SPATA33: variants seen among roughly 807,000 people sequenced by gnomAD.
SPATA33 encodes spermatogenesis associated 33, also known as spermatogenesis-associated protein 33.
SPATA33 carries 10 observed loss-of-function variants against 8.9 expected under a neutral mutation model. The observed-to-expected ratio is 1.12, with a 90% CI of 0.69 to 1.90. The LOEUF is 1.90. Ranked by LOEUF, SPATA33 falls within the 40% of genes most tolerant of loss-of-function variation. The pLI is 0.00. For synonymous variants in SPATA33, 96 were observed against 72.8 expected, an observed-to-expected ratio of 1.32 and a Z score of -1.63; for missense variants, 241 against 178.3, an observed-to-expected ratio of 1.35 and a Z score of -2.00.
At chr16:89,664,867 ACCTGCAC>A (rs1271398012) in intron 2 of SPATA33, among the ~76,000 whole-genome samples, 1 of 152,220 alleles carries the variant, frequency 6.6e-6, no homozygotes, top group African/African-American at 2.4e-5. Flanking sequence ...GCCACGCTGC[ACCTGCAC>A]CCCTGACGAC....
In SPATA33 at chr16:89,658,348, G is replaced by T. The variant is rs1328258401; in HGVS notation, c.138G>T (p.Ser46=). 6.2e-7 allele frequency: 1 copy of T among 1,613,812 alleles called. No homozygotes were observed. The highest frequency in any genetic ancestry group is 1.7e-5 in the Admixed American group (1 of 60,016). The change falls in exon 2 of 3, where the codon TCG becomes TCT. Residue 46 remains serine, a synonymous_variant. Coordinates refer to ENST00000579310, the MANE Select transcript of SPATA33 (RefSeq NM_001271907.2). ...AAGCCAGGCAGGCAGACAGGGAGTC[G>T]GAGAAGCCTGTGGACAGCCTCCACC... ...SQEARQADRE[S]EKPVDSLHPG... is the part of the protein sequence containing the mutation.
chr16:89,666,062 CAA>C (rs1411996862), intron 2 of SPATA33, among the ~76,000 whole-genome samples: 4 of 151,928 alleles, frequency 2.6e-5, no homozygotes, highest in Non-Finnish European at 2.9e-5. Flanking sequence ...GCCTGGGCGA[CAA>C]GAGTGAGAAT....
chr16:89,669,554 C>A lies in SPATA33; in HGVS notation c.*57C>A. 1 of 1,561,290 alleles carries A rather than the reference C, an allele frequency of 6.4e-7. No individual in the cohort carries two copies. The highest frequency in any genetic ancestry group is 8.8e-7 in the Non-Finnish European group (1 of 1,142,540). On this transcript the variant is annotated 3_prime_UTR_variant, in exon 3 of 3. Coordinates refer to ENST00000579310, the MANE Select transcript of SPATA33 (RefSeq NM_001271907.2). ...CTGCGATAGGCGTCTCGGGAACAGCCGCCTCACCCTGTGAGAAGCCGAGGC... is the reference window on the plus strand; with the variant it reads ...CTGCGATAGGCGTCTCGGGAACAGCAGCCTCACCCTGTGAGAAGCCGAGGC...
intron 2 of SPATA33, among the ~76,000 whole-genome samples, chr16:89,664,289 G>A (rs543727432): frequency 6.6e-6 from 1 of 152,244 alleles, no homozygotes; most frequent in South Asian, 2.1e-4. Context: ...TCAGGGGCTC[G>A]GACACGTTGC....
At chr16:89,658,088 C>T in intron 1 of SPATA33, 140 bp downstream of exon 1, 2 of 1,479,494 alleles carry the variant, frequency 1.4e-6, no homozygotes, top group South Asian at 1.4e-5. Context: ...CCGAGTCCGC[C>T]ACGGACGGCG....
At position 89,657,897 on chromosome 16, in the gene SPATA33, G is replaced by T. The variant is rs1219802468; in HGVS notation, c.-15G>T. The T allele has an allele frequency of 2.0e-6, 3 of 1,517,606 alleles. No homozygotes were observed. The highest frequency in any genetic ancestry group is 5.2e-5 in the East Asian group (2 of 38,274). The allele number at this position is 1,517,606 out of a possible 1,614,324, so 94.0% of individuals were successfully genotyped here. A position where few individuals can be genotyped will look rare whatever the true frequency, so the allele number is the denominator to read the frequency against. The stretch of plus-strand genomic sequence containing the variant: ...GGGACCCGGGCTTGCGTCGGAGGGG[G>T]CGGTGGGCTCACCCATGGGCCTTTC... On this transcript the variant is annotated 5_prime_UTR_variant, in exon 1 of 3. Transcript: ENST00000579310.
At chr16:89,667,745 G>A (rs914365925) in intron 2 of SPATA33, among the ~76,000 whole-genome samples, 5 of 152,356 alleles carry the variant, frequency 3.3e-5, no homozygotes, top group East Asian at 3.9e-4. Flanking sequence ...GCTATGTAAC[G>A]CAGCACTGCA....
rs1303081193 is a variant in SPATA33 at position 89,669,200 on chromosome 16, TTACTC to T, written c.212-84_212-80del. The T allele has an allele frequency of 1.5e-5, 19 of 1,276,762 alleles. No individual in the cohort carries two copies. In the Admixed American group the frequency reaches 2.0e-4, roughly 13 times the overall value. 79.1% of individuals were successfully genotyped at this position (1,276,762 alleles called of 1,614,324 possible). A position where few individuals can be genotyped will look rare whatever the true frequency, so the allele number is the denominator to read the frequency against. On this transcript the variant is annotated intron_variant, in intron 2 of 2. Coordinates refer to ENST00000579310, the MANE Select transcript of SPATA33 (RefSeq NM_001271907.2). The stretch of plus-strand genomic sequence containing the variant: ...CTGCTAACCATACATCTTAATTCCT[TTACTC>T]TGACCAATGGCAGGAGGTGTGTGCA...
rs764145176 is a variant in SPATA33, at chr16:89,669,350, G to C, written c.276G>C (p.Thr92=). 1 of 1,614,180 alleles carries C rather than the reference G, an allele frequency of 6.2e-7. No homozygotes were observed. Among genetic ancestry groups the C allele is most frequent in the Admixed American group, 1.7e-5 (1 of 60,022 alleles). ...KKVVVPQIII[T]RASNETLVSC... The stretch of plus-strand genomic sequence containing the variant: ...TGGTCGTTCCACAGATCATCATCAC[G>C]CGAGCGTCGAATGAGACGCTAGTCA... Residue 92 remains threonine (T), a synonymous_variant, in exon 3 of 3, where the codon ACG becomes ACC. Coordinates refer to ENST00000579310, the MANE Select transcript of SPATA33 (RefSeq NM_001271907.2).
At chr16:89,662,728 C>T (rs575121442) in intron 2 of SPATA33, among the ~76,000 whole-genome samples, 2 of 151,330 alleles carry the variant, frequency 1.3e-5, no homozygotes, top group African/African-American at 2.4e-5. Flanking sequence ...CACCTGGCCT[C>T]CCAGAGCGCT....
chr16:89,660,476 A>G (rs1287566129), intron 2 of SPATA33: 2 of 1,231,886 alleles, frequency 1.6e-6, no homozygotes, highest in African/African-American at 1.6e-5. Context: ...AAGGGAAAAC[A>G]GCAGAGCAAG....
At chr16:89,666,149 C>T (rs754962200) in intron 2 of SPATA33, among the ~76,000 whole-genome samples, 50 of 151,898 alleles carry the variant, frequency 3.3e-4, no homozygotes, top group Admixed American at 2.7e-3. Flanking sequence ...ATGAGGGGGT[C>T]GGGCCCTCTG....
In SPATA33 at chr16:89,663,059, C is replaced by G. The variant is rs575576223; in HGVS notation, c.211+4638C>G. ...CACCCGCCTCAGCCTCCCAAAGTGC[C>G]AGTGTTACAGGTGTGAGCCACCACG... is the stretch of plus-strand genomic sequence containing the variant. On this transcript the variant is annotated intron_variant, in intron 2 of 2. Coordinates refer to ENST00000579310, the MANE Select transcript of SPATA33 (RefSeq NM_001271907.2). Among the ~76,000 whole-genome samples the G allele has an allele frequency of 1.0e-3, 152 of 150,524 alleles. 1 individual carries two copies. Among genetic ancestry groups the G allele is most frequent in the Non-Finnish European group, 1.7e-3 (114 of 67,602 alleles).
In SPATA33 at chr16:89,658,379, G is replaced by T; in HGVS notation, c.169G>T (p.Ala57Ser). 1 of 1,612,880 alleles carries T rather than the reference G, an allele frequency of 6.2e-7. No homozygotes were observed. Among genetic ancestry groups the T allele is most frequent in the Non-Finnish European group, 8.5e-7 (1 of 1,179,808 alleles). Reference sequence around the variant, plus strand: ...GCCTGTGGACAGCCTCCACCCGGGGGCCGGGACAGCCAAGCACCCGCCGCC... The same window carrying T: ...GCCTGTGGACAGCCTCCACCCGGGGTCCGGGACAGCCAAGCACCCGCCGCC... ...EKPVDSLHPG[A>S]GTAKHPPPAA... The change falls in exon 2 of 3, where the codon GCC (alanine) becomes TCC (serine). Residue 57 changes from alanine to serine, a missense_variant. By Grantham distance (99) the Ala-to-Ser change is moderately conservative (BLOSUM62 1). Transcript: ENST00000579310.
At chr16:89,659,687 GA>G (rs922744191) in intron 2 of SPATA33, 2,733 of 142,096 alleles carry the variant, frequency 0.019, 80 homozygotes, top group African/African-American at 0.063. Flanking sequence ...CTCTGTCTCA[GA>G]AAAAAAAAAA....
chr16:89,657,924 A>C lies in SPATA33; in HGVS notation c.13A>C (p.Lys5Gln), dbSNP rs756388492. The C allele has an allele frequency of 4.0e-6, 6 of 1,518,762 alleles. No individual in the cohort carries two copies. The highest frequency in any genetic ancestry group is 5.3e-6 in the Non-Finnish European group (6 of 1,140,366). The allele number at this position is 1,518,762 out of a possible 1,614,324, so 94.1% of individuals were successfully genotyped here. A position where few individuals can be genotyped will look rare whatever the true frequency, so the allele number is the denominator to read the frequency against. The change falls in exon 1 of 3, where the codon AAA becomes CAA. Residue 5 changes from lysine (K) to glutamine (Q), a missense_variant. Lys to Gln is a moderately conservative substitution (Grantham distance 53, BLOSUM62 1). Transcript: ENST00000579310. MGLS[K>Q]SKEKPRKGEE... ...GGTGGGCTCACCCATGGGCCTTTCC[A>C]AAAGCAAAGAGAAACCCAGGAAAGG...
At chr16:89,661,110 G>A (rs747253910) in intron 2 of SPATA33, 1 of 985,420 alleles carries the variant, frequency 1.0e-6, no homozygotes. Context: ...CTGAGGTTTG[G>A]GGTAAGTTAC....
intron 2 of SPATA33, among the ~76,000 whole-genome samples, chr16:89,663,066 A>G (rs1262795262): frequency 6.6e-6 from 1 of 152,014 alleles, no homozygotes; most frequent in East Asian, 1.9e-4. Flanking sequence ...TGCCAGTGTT[A>G]CAGGTGTGAG....
intron 2 of SPATA33, 21 bp from the exon 3 acceptor site, chr16:89,669,265 C>G: frequency 6.2e-7 from 1 of 1,610,368 alleles, no homozygotes; most frequent in Non-Finnish European, 8.5e-7. Context: ...CTACTAAATG[C>G]CTGGATGTTT....
Sources: allele counts gnomAD v4.1 joint callset (sites outside exome capture counted in the v4.1 genomes callset), GRCh38; gene constraint gnomAD v4.1.1; transcripts MANE v1.5; gene names NCBI Gene and HGNC (gene_info 2026-07-23, HGNC 2026-07-21).